MYLK: variants seen among roughly 807,000 people sequenced by gnomAD.
MYLK encodes the protein myosin light chain kinase.
MYLK carries 106 observed loss-of-function variants against 203.4 expected under a neutral mutation model. That is an observed-to-expected ratio of 0.52 (90% CI 0.45 to 0.61). MYLK has a LOEUF of 0.61. Ranked by LOEUF, MYLK falls within the 20% of genes least tolerant of loss-of-function variation. The pLI, the probability that MYLK is intolerant of heterozygous loss-of-function variation, is 0.00. For missense variants in MYLK, 2,072 were observed against 2,442.3 expected, an observed-to-expected ratio of 0.85 and a Z score of 3.20; for synonymous variants, 867 against 959.5, an observed-to-expected ratio of 0.90 and a Z score of 1.78.
intron 5 of MYLK, among the ~76,000 whole-genome samples, chr3:123,742,535 G>C (rs535581401): frequency 6.6e-6 from 1 of 152,108 alleles, no homozygotes; most frequent in South Asian, 2.1e-4. Flanking sequence ...CAAAAAAAGG[G>C]GCAGGGAGGA....
At chr3:123,699,922 A>G in intron 18 of MYLK, 98 bp downstream of exon 18, 4 of 1,520,222 alleles carry the variant, frequency 2.6e-6, no homozygotes, top group Non-Finnish European at 3.6e-6. Context: ...CAGCCTACCT[A>G]TGGGCTGCTA....
At chr3:123,672,931 T>G (rs1381409245) in intron 20 of MYLK, among the ~76,000 whole-genome samples, 2 of 152,094 alleles carry the variant, frequency 1.3e-5, no homozygotes, top group Non-Finnish European at 2.9e-5. Flanking sequence ...CTCATCCCAA[T>G]CAAACACAGC....
intron 20 of MYLK, among the ~76,000 whole-genome samples, chr3:123,678,634 C>A (rs1179392241): frequency 6.6e-6 from 1 of 151,868 alleles, no homozygotes; most frequent in Non-Finnish European, 1.5e-5. Context: ...CAGCCCTTGA[C>A]ACAGAGGAAC....
At chr3:123,681,378 C>A in intron 20 of MYLK, 1 of 152,254 alleles carries the variant, frequency 6.6e-6, no homozygotes. Flanking sequence ...ACGAGCAAGG[C>A]GCAGCATGTG....
intron 29 of MYLK, among the ~76,000 whole-genome samples, chr3:123,633,550 A>G (rs2058520693): frequency 6.6e-6 from 1 of 152,156 alleles, no homozygotes; most frequent in Non-Finnish European, 1.5e-5. Flanking sequence ...TTTTTCACAA[A>G]ACTATAATCA....
At chr3:123,659,235 GGA>G (rs1366550092) in intron 23 of MYLK, among the ~76,000 whole-genome samples, 1 of 152,182 alleles carries the variant, frequency 6.6e-6, no homozygotes, top group Non-Finnish European at 1.5e-5. Flanking sequence ...AAGACTGCCT[GGA>G]GACCATGTGA....
Position 123,614,059 on chromosome 3 carries a change from TA to T in MYLK, c.*45del. 1 of 1,428,738 alleles carries T rather than the reference TA, an allele frequency of 7.0e-7. No individual in the cohort carries two copies. The highest frequency in any genetic ancestry group is 9.8e-7 in the Non-Finnish European group (1 of 1,022,528). The allele number at this position is 1,428,738 out of a possible 1,614,324, so 88.5% of individuals were successfully genotyped here. A position where few individuals can be genotyped will look rare whatever the true frequency, so the allele number is the denominator to read the frequency against. On this transcript the variant is annotated 3_prime_UTR_variant, in exon 34 of 34. Coordinates refer to ENST00000360304, the MANE Select transcript of MYLK (RefSeq NM_053025.4). Reference sequence around the variant, plus strand: ...TTTTTTTTTTTGAGTTTTAGAGAAATAGTCCTTTTAATATGACTTAGAAACT... The same window carrying T: ...TTTTTTTTTTTGAGTTTTAGAGAAATGTCCTTTTAATATGACTTAGAAACT...
intron 19 of MYLK, chr3:123,692,261 C>T: frequency 9.3e-7 from 1 of 1,074,542 alleles, no homozygotes; most frequent in Non-Finnish European, 1.1e-6. Context: ...CCTCTCTGTC[C>T]AGAGACTCAG....
At chr3:123,745,792 A>C (rs1457345715) in intron 5 of MYLK, among the ~76,000 whole-genome samples, 1 of 152,206 alleles carries the variant, frequency 6.6e-6, no homozygotes, top group Non-Finnish European at 1.5e-5. Context: ...GCCTTCATGG[A>C]GCTTACAGTT....
intron 16 of MYLK, 104 bp from the exon 17 acceptor site, chr3:123,701,613 G>A (rs1253378614): frequency 1.7e-6 from 2 of 1,188,260 alleles, no homozygotes; most frequent in Non-Finnish European, 2.5e-6. Context: ...GAAGATGGAA[G>A]TCGCCGGCTT....
intron 2 of MYLK, among the ~76,000 whole-genome samples, chr3:123,859,793 G>A (rs1333344488): frequency 1.3e-5 from 2 of 152,092 alleles, no homozygotes; most frequent in Admixed American, 1.3e-4. Flanking sequence ...ATGAGATAGC[G>A]TGTATTACCC....
intron 3 of MYLK, among the ~76,000 whole-genome samples, chr3:123,820,452 G>A (rs2065883887): frequency 6.6e-6 from 1 of 152,152 alleles, no homozygotes; most frequent in South Asian, 2.1e-4. Context: ...ATGGCTCCAC[G>A]TCTTTTTCAG....
intron 2 of MYLK, among the ~76,000 whole-genome samples, chr3:123,852,238 T>A (rs1485174910): frequency 6.6e-6 from 1 of 152,214 alleles, no homozygotes; most frequent in Non-Finnish European, 1.5e-5. Flanking sequence ...GGCTTTGGTA[T>A]CAGGATGATG....
chr3:123,883,496 T>C (rs993343633), intron 1 of MYLK, among the ~76,000 whole-genome samples: 1 of 152,214 alleles, frequency 6.6e-6, no homozygotes, highest in African/African-American at 2.4e-5. Flanking sequence ...TCTTCACATC[T>C]GCAATGCCAC....
intron 5 of MYLK, among the ~76,000 whole-genome samples, chr3:123,748,551 G>C (rs2063091439): frequency 6.6e-6 from 1 of 152,200 alleles, no homozygotes; most frequent in Non-Finnish European, 1.5e-5. Context: ...GGTCTGAAGT[G>C]AGGTGTGCTG....
intron 4 of MYLK, among the ~76,000 whole-genome samples, chr3:123,786,122 G>A (rs1380969829): frequency 6.6e-6 from 1 of 152,074 alleles, no homozygotes; most frequent in Non-Finnish European, 1.5e-5. Context: ...AGCCAACATG[G>A]TGAAACCCTG....
chr3:123,762,605 T>A (rs772285027), intron 4 of MYLK, among the ~76,000 whole-genome samples: 1 of 152,202 alleles, frequency 6.6e-6, no homozygotes, highest in Non-Finnish European at 1.5e-5. Flanking sequence ...AAAGTTCATG[T>A]TGAAACTTAA....
intron 19 of MYLK, among the ~76,000 whole-genome samples, chr3:123,685,967 G>A (rs1357497211): frequency 6.6e-6 from 1 of 152,214 alleles, no homozygotes; most frequent in East Asian, 1.9e-4. Flanking sequence ...TGAAGTGTCA[G>A]CACGGTGGGG....
intron 18 of MYLK, among the ~76,000 whole-genome samples, chr3:123,695,292 C>T (rs1203746143): frequency 1.3e-5 from 2 of 152,264 alleles, no homozygotes; most frequent in African/African-American, 4.8e-5. Context: ...GCTCCCAACT[C>T]TGAGCTCACC....
Sources: allele counts gnomAD v4.1 joint callset (sites outside exome capture counted in the v4.1 genomes callset), GRCh38; gene constraint gnomAD v4.1.1; transcripts MANE v1.5; gene names NCBI Gene and HGNC (gene_info 2026-07-23, HGNC 2026-07-21).